The following CDH13 variants were observed in gnomAD, a reference collection of about 807,000 sequenced individuals.
The protein encoded by CDH13 is cadherin 13.
Under a neutral mutation model 63.8 loss-of-function variants are expected in CDH13, and 24 were observed. The ratio of observed to expected loss-of-function variants is 0.38; its 90% CI spans 0.27 to 0.53. CDH13 has a LOEUF of 0.53. Ranked by LOEUF, CDH13 falls within the 20% of genes least tolerant of loss-of-function variation. The pLI, the probability that CDH13 is intolerant of heterozygous loss-of-function variation, is 0.85. For synonymous variants in CDH13, 503 were observed against 355.3 expected, an observed-to-expected ratio of 1.42 and a Z score of -4.67; for missense variants, 1,049 against 903.1, an observed-to-expected ratio of 1.16 and a Z score of -2.07.
At chr16:82,997,146 GTGA>G (rs1275259959) in intron 2 of CDH13, among the ~76,000 whole-genome samples, 2 of 151,136 alleles carry the variant, frequency 1.3e-5, no homozygotes, top group Admixed American at 1.3e-4. Flanking sequence ...GGTGATGATG[GTGA>G]TGATGGTGAT....
intron 3 of CDH13, among the ~76,000 whole-genome samples, chr16:83,038,649 C>T (rs971608482): frequency 5.9e-5 from 9 of 152,262 alleles, no homozygotes; most frequent in South Asian, 4.2e-4. Flanking sequence ...GAGGGGTCTG[C>T]GTGTGTGTGT....
chr16:83,083,542 C>T (rs1401060102), intron 3 of CDH13, among the ~76,000 whole-genome samples: 3 of 152,128 alleles, frequency 2.0e-5, no homozygotes, highest in African/African-American at 4.8e-5. Context: ...TAGTGAGTAA[C>T]AGAGCCCAAA....
chr16:82,689,402 A>G (rs1229752446), intron 1 of CDH13, among the ~76,000 whole-genome samples: 1 of 152,184 alleles, frequency 6.6e-6, no homozygotes, highest in East Asian at 1.9e-4. Context: ...CATTATTAAG[A>G]CTATCATTAT....
chr16:82,679,666 A>T (rs1283441668), intron 1 of CDH13, among the ~76,000 whole-genome samples: 1 of 152,194 alleles, frequency 6.6e-6, no homozygotes, highest in Non-Finnish European at 1.5e-5. Context: ...TTGTTTAATC[A>T]GCCTTGGTTA....
At chr16:82,660,653 C>T (rs573980290) in intron 1 of CDH13, among the ~76,000 whole-genome samples, 1 of 152,110 alleles carries the variant, frequency 6.6e-6, no homozygotes, top group African/African-American at 2.4e-5. Context: ...TCACTGTATA[C>T]CTGGGACCAA....
intron 6 of CDH13, among the ~76,000 whole-genome samples, chr16:83,432,627 G>A (rs1387382): frequency 0.46 from 69,653 of 151,880 alleles, 16,732 homozygotes; most frequent in East Asian, 0.62. Flanking sequence ...GAGCCACCAC[G>A]TGTCACTTCA....
At chr16:83,436,480 A>C (rs1333779463) in intron 6 of CDH13, among the ~76,000 whole-genome samples, 1 of 152,126 alleles carries the variant, frequency 6.6e-6, no homozygotes, top group Non-Finnish European at 1.5e-5. Context: ...TAATTAAAAA[A>C]AAAAAATTAT....
chr16:83,011,722 C>G (rs1423434025), intron 2 of CDH13, among the ~76,000 whole-genome samples: 2 of 152,158 alleles, frequency 1.3e-5, no homozygotes, highest in South Asian at 2.1e-4. Flanking sequence ...CCTTCTTCTT[C>G]TACTCCCAGT....
chr16:83,079,177 T>A (rs2033062726), intron 3 of CDH13, among the ~76,000 whole-genome samples: 1 of 152,188 alleles, frequency 6.6e-6, no homozygotes. Flanking sequence ...TATAGCAGTT[T>A]TCTACAGGAG....
intron 7 of CDH13, among the ~76,000 whole-genome samples, chr16:83,496,970 C>T (rs1439875948): frequency 6.6e-6 from 1 of 152,218 alleles, no homozygotes; most frequent in Admixed American, 6.5e-5. Context: ...GATACCATCT[C>T]ACACCAGTTA....
chr16:83,761,510 A>T (rs1003750728), intron 11 of CDH13, among the ~76,000 whole-genome samples: 2 of 152,240 alleles, frequency 1.3e-5, no homozygotes, highest in East Asian at 3.8e-4. Context: ...CAGAAAAAGG[A>T]AAATGATGTA....
chr16:83,711,357 A>T (rs568828110), intron 10 of CDH13, among the ~76,000 whole-genome samples: 2 of 152,322 alleles, frequency 1.3e-5, no homozygotes, highest in East Asian at 3.9e-4. Context: ...AACAGATGAC[A>T]TAGTAGGAAT....
At chr16:82,780,893 CAGT>C (rs752534859) in intron 1 of CDH13, among the ~76,000 whole-genome samples, 24 of 152,374 alleles carry the variant, frequency 1.6e-4, no homozygotes, top group Admixed American at 5.2e-4. Context: ...CTACATTTGA[CAGT>C]AGCTGAGTAG....
At chr16:83,141,964 A>C (rs1418310264) in intron 4 of CDH13, among the ~76,000 whole-genome samples, 1 of 152,024 alleles carries the variant, frequency 6.6e-6, no homozygotes, top group Non-Finnish European at 1.5e-5. Context: ...TGCAGGACCC[A>C]CCCAGTCTTT....
intron 6 of CDH13, among the ~76,000 whole-genome samples, chr16:83,359,088 T>C (rs2091110707): frequency 6.6e-6 from 1 of 152,088 alleles, no homozygotes; most frequent in Non-Finnish European, 1.5e-5. Flanking sequence ...AATTTTTTTC[T>C]TGCCAGTGAA....
intron 6 of CDH13, among the ~76,000 whole-genome samples, chr16:83,422,298 C>T (rs974446847): frequency 1.3e-5 from 2 of 152,130 alleles, no homozygotes; most frequent in Admixed American, 1.3e-4. Context: ...AAGAATTACA[C>T]AGTCATTCTC....
At position 82,910,003 on chromosome 16, in the gene CDH13, G is replaced by C. The variant is rs186614217; in HGVS notation, c.157+51530G>C. Among the ~76,000 whole-genome samples, 5 of 152,264 alleles carry C rather than the reference G, an allele frequency of 3.3e-5. No individual in the cohort carries two copies. In the East Asian group the frequency reaches 7.7e-4, roughly 24 times the overall value. ...TGGAGTTAGCTGTGGCCATGCCACT[G>C]GATCTGACCACTGAAATGTACTTGG... On this transcript the variant is annotated intron_variant, in intron 2 of 13. Transcript: ENST00000567109.
chr16:83,064,568 C>CAAAA (rs1360177208), intron 3 of CDH13, among the ~76,000 whole-genome samples: 1 of 152,140 alleles, frequency 6.6e-6, no homozygotes, highest in Non-Finnish European at 1.5e-5. Context: ...ATCATTCCAT[C>CAAAA]ATTTAAGCAA....
At chr16:82,711,375 T>G (rs2031930762) in intron 1 of CDH13, among the ~76,000 whole-genome samples, 1 of 152,158 alleles carries the variant, frequency 6.6e-6, no homozygotes, top group South Asian at 2.1e-4. Flanking sequence ...GGTCTAGCAT[T>G]GAGCGGTGGC....
Sources: gnomAD v4.1 joint callset for allele counts (sites outside exome capture counted in the v4.1 genomes callset) on GRCh38, gnomAD v4.1.1 for gene constraint, MANE v1.5 for transcripts, NCBI Gene and HGNC (gene_info 2026-07-23, HGNC 2026-07-21) for gene names.